The following BRINP3 variants were observed in gnomAD, a reference collection of about 807,000 sequenced individuals.
BRINP3 encodes BMP/retinoic acid-inducible neural-specific protein 3.
BRINP3 carries 19 observed loss-of-function variants against 71.0 expected under a neutral mutation model. The ratio of observed to expected loss-of-function variants is 0.27; its 90% CI spans 0.19 to 0.39. The LOEUF is 0.39. BRINP3 is among the 10% of genes least tolerant of loss of function. The pLI is 1.00. For missense variants in BRINP3, 959 were observed against 940.8 expected (o/e 1.02, Z -0.25); for synonymous variants, 380 against 337.7 (o/e 1.13, Z -1.37).
At chr1:190,442,703 G>C (rs1388437891) in intron 2 of BRINP3, among the ~76,000 whole-genome samples, 1 of 151,402 alleles carries the variant, frequency 6.6e-6, no homozygotes, top group African/African-American at 2.4e-5. Flanking sequence ...AAATGTGTGT[G>C]GTTACTTTGT....
chr1:190,185,142 G>T, intron 6 of BRINP3, among the ~76,000 whole-genome samples: 1 of 151,980 alleles, frequency 6.6e-6, no homozygotes, highest in East Asian at 1.9e-4. Context: ...GCACAGCAAA[G>T]GAAATAATCA....
At chr1:190,409,139 C>G (rs1196296903) in intron 2 of BRINP3, among the ~76,000 whole-genome samples, 4 of 152,040 alleles carry the variant, frequency 2.6e-5, no homozygotes, top group Non-Finnish European at 4.4e-5. Context: ...TGGTGGCTCT[C>G]GCCTGTAATC....
At chr1:190,351,851 T>C (rs1227904302) in intron 2 of BRINP3, among the ~76,000 whole-genome samples, 1 of 152,110 alleles carries the variant, frequency 6.6e-6, no homozygotes, top group Non-Finnish European at 1.5e-5. Flanking sequence ...TCAGTATAAG[T>C]AATTTTTTGT....
intron 2 of BRINP3, among the ~76,000 whole-genome samples, chr1:190,377,169 C>A (rs1163923331): frequency 6.6e-6 from 1 of 151,932 alleles, no homozygotes; most frequent in African/African-American, 2.4e-5. Context: ...CCTAACCACC[C>A]CTGTACATGC....
At chr1:190,293,038 TA>T (rs1172339082) in intron 2 of BRINP3, among the ~76,000 whole-genome samples, 1 of 152,064 alleles carries the variant, frequency 6.6e-6, no homozygotes, top group Non-Finnish European at 1.5e-5. Context: ...ATTTCTGCTC[TA>T]ATCTTTACTA....
intron 3 of BRINP3, among the ~76,000 whole-genome samples, chr1:190,269,504 C>T (rs936780037): frequency 6.6e-6 from 1 of 151,806 alleles, no homozygotes; most frequent in South Asian, 2.1e-4. Flanking sequence ...ACTTATATAA[C>T]GGACAAATGG....
At chr1:190,450,778 A>G (rs1675553689) in intron 2 of BRINP3, among the ~76,000 whole-genome samples, 1 of 152,074 alleles carries the variant, frequency 6.6e-6, no homozygotes, top group African/African-American at 2.4e-5. Context: ...TATGTTATGA[A>G]GAAAGGATTA....
At chr1:190,297,024 T>C (rs991034440) in intron 2 of BRINP3, among the ~76,000 whole-genome samples, 1 of 152,072 alleles carries the variant, frequency 6.6e-6, no homozygotes, top group Admixed American at 6.6e-5. Context: ...AAAATTTCAA[T>C]GGCATTTTTC....
intron 6 of BRINP3, among the ~76,000 whole-genome samples, chr1:190,175,864 C>A (rs1280145976): frequency 6.6e-6 from 1 of 152,152 alleles, no homozygotes; most frequent in African/African-American, 2.4e-5. Flanking sequence ...TTCTTTCTCA[C>A]ATCACATGCC....
intron 7 of BRINP3, among the ~76,000 whole-genome samples, chr1:190,104,781 A>G (rs1652002030): frequency 6.6e-6 from 1 of 152,062 alleles, no homozygotes. Context: ...TAGAAAAACA[A>G]TTACCTCGTC....
At chr1:190,151,792 C>A (rs2102423957) in intron 7 of BRINP3, among the ~76,000 whole-genome samples, 1 of 152,186 alleles carries the variant, frequency 6.6e-6, no homozygotes, top group South Asian at 2.1e-4. Context: ...GAAGAGTCTT[C>A]CAAAATAATT....
intron 1 of BRINP3, among the ~76,000 whole-genome samples, chr1:190,468,699 T>A (rs1676929525): frequency 6.6e-6 from 1 of 151,180 alleles, no homozygotes; most frequent in South Asian, 2.1e-4. Context: ...AAACAAGGAA[T>A]TATGGATTGC....
At chr1:190,465,509 G>A (rs79192931) in intron 1 of BRINP3, among the ~76,000 whole-genome samples, 1,739 of 151,848 alleles carry the variant, frequency 0.011, 36 homozygotes, top group African/African-American at 0.039. Context: ...CTAGATATCC[G>A]TTTGGGTTCC....
At chr1:190,349,427 A>AT (rs1010535711) in intron 2 of BRINP3, among the ~76,000 whole-genome samples, 77 of 152,246 alleles carry the variant, frequency 5.1e-4, no homozygotes, top group African/African-American at 1.6e-3. Flanking sequence ...CTTGAGGTGA[A>AT]TGAATCCAAA....
intron 5 of BRINP3, among the ~76,000 whole-genome samples, chr1:190,231,331 G>A (rs1163609679): frequency 6.6e-6 from 1 of 151,684 alleles, no homozygotes; most frequent in Non-Finnish European, 1.5e-5. Context: ...TTTATTATAA[G>A]CCAAAACACT....
intron 2 of BRINP3, among the ~76,000 whole-genome samples, chr1:190,287,464 A>AT (rs1010839460): frequency 1.7e-4 from 26 of 150,708 alleles, no homozygotes; most frequent in African/African-American, 5.6e-4. Flanking sequence ...GTAGAGTTTA[A>AT]TTTTTTTTTT....
chr1:190,117,874 A>T (rs116371568), intron 7 of BRINP3, among the ~76,000 whole-genome samples: 90 of 152,034 alleles, frequency 5.9e-4, no homozygotes, highest in African/African-American at 2.1e-3. Context: ...TTTTCTCCTC[A>T]TGCCATTGAC....
intron 6 of BRINP3, among the ~76,000 whole-genome samples, chr1:190,203,888 T>C (rs1379771865): frequency 1.4e-5 from 2 of 145,622 alleles, no homozygotes; most frequent in African/African-American, 5.0e-5. Context: ...TATTTCAAAC[T>C]GAAATAATGA....
chr1:190,300,305 T>G (rs1664581121), intron 2 of BRINP3, among the ~76,000 whole-genome samples: 1 of 152,176 alleles, frequency 6.6e-6, no homozygotes, highest in Non-Finnish European at 1.5e-5. Flanking sequence ...TCATTTCATC[T>G]TCCATCGCTG....
Sources: gnomAD v4.1 joint callset for allele counts (sites outside exome capture counted in the v4.1 genomes callset) on GRCh38, gnomAD v4.1.1 for gene constraint, MANE v1.5 for transcripts, NCBI Gene and HGNC (gene_info 2026-07-23, HGNC 2026-07-21) for gene names.